EYS: variants seen among roughly 807,000 people sequenced by gnomAD.
The protein encoded by EYS is EGF-like photoreceptor maintenance factor, also known as protein eyes shut homolog.
Under a neutral mutation model 282.1 loss-of-function variants are expected in EYS, and 250 were observed. That is an observed-to-expected ratio of 0.89 (90% CI 0.80 to 0.98). The LOEUF (loss-of-function observed/expected upper bound fraction) is 0.98, where lower values mean the gene tolerates loss of function less well. EYS is among the 50% of genes least tolerant of loss of function. EYS has a pLI of 0.00. For synonymous variants in EYS, 1,355 were observed against 1,282.9 expected (o/e 1.06, Z -1.20); for missense variants, 4,016 against 3,709.0 (o/e 1.08, Z -2.15).
intron 29 of EYS, among the ~76,000 whole-genome samples, chr6:64,318,475 A>G (rs1770067613): frequency 6.6e-6 from 1 of 151,974 alleles, no homozygotes; most frequent in Non-Finnish European, 1.5e-5. Flanking sequence ...CAGATTTACA[A>G]CTCAACAATT....
Position 64,440,839 on chromosome 6 carries a change from G to A in EYS, c.5645-1487C>T, listed in dbSNP as rs1228776276. Among the ~76,000 whole-genome samples, 2 of 151,668 alleles carry A rather than the reference G, an allele frequency of 1.3e-5. 1 individual carries two copies. The highest frequency in any genetic ancestry group is 4.1e-4 in the South Asian group (2 of 4,820). On this transcript the variant is annotated intron_variant, in intron 26 of 42. Coordinates refer to ENST00000503581, the MANE Select transcript of EYS (RefSeq NM_001142800.2). Reference sequence around the variant, plus strand: ...GAAATTAAAAAAAATTACATACAGGGGGTCTTCAAAAAGTTCACATAAAAT... The same window carrying A: ...GAAATTAAAAAAAATTACATACAGGAGGTCTTCAAAAAGTTCACATAAAAT...
intron 41 of EYS, among the ~76,000 whole-genome samples, chr6:63,745,674 G>A (rs1379374380): frequency 6.6e-6 from 1 of 152,166 alleles, no homozygotes; most frequent in Admixed American, 6.5e-5. Context: ...TGATTTAGAT[G>A]GATGTTGGAT....
chr6:64,106,461 A>G (rs1027618150), intron 31 of EYS, among the ~76,000 whole-genome samples: 12 of 152,076 alleles, frequency 7.9e-5, no homozygotes, highest in African/African-American at 1.2e-4. Flanking sequence ...AACACTTTAA[A>G]TATTTCATTC....
chr6:64,660,833 A>G (rs1222573530), intron 22 of EYS, among the ~76,000 whole-genome samples: 1 of 152,212 alleles, frequency 6.6e-6, no homozygotes, highest in Non-Finnish European at 1.5e-5. Flanking sequence ...TATAGATTCA[A>G]TGCCATCCCC....
At chr6:64,206,675 G>A (rs1176783868) in intron 31 of EYS, among the ~76,000 whole-genome samples, 1 of 152,132 alleles carries the variant, frequency 6.6e-6, no homozygotes, top group Non-Finnish European at 1.5e-5. Flanking sequence ...TTGTGTTACT[G>A]ATGCATGTTT....
At chr6:64,332,282 T>A (rs1412050698) in intron 29 of EYS, among the ~76,000 whole-genome samples, 16 of 152,108 alleles carry the variant, frequency 1.1e-4, no homozygotes, top group Admixed American at 1.0e-3. Flanking sequence ...ATAATTCAGA[T>A]AAAAGGGGAT....
At chr6:64,168,718 G>T (rs1216781746) in intron 31 of EYS, among the ~76,000 whole-genome samples, 2 of 152,128 alleles carry the variant, frequency 1.3e-5, no homozygotes. Context: ...CATAAAAGTG[G>T]ATTAAGGATT....
chr6:64,262,230 C>T (rs1238873863), intron 30 of EYS, among the ~76,000 whole-genome samples: 1 of 151,936 alleles, frequency 6.6e-6, no homozygotes, highest in Non-Finnish European at 1.5e-5. Context: ...TTTCTACCAC[C>T]CTATCCCAAC....
chr6:65,197,022 C>A (rs1251157778), intron 12 of EYS, among the ~76,000 whole-genome samples: 1 of 151,972 alleles, frequency 6.6e-6, no homozygotes, highest in Admixed American at 6.6e-5. Context: ...AATTTAATTC[C>A]ATGTAAATTG....
chr6:63,942,989 T>A lies in EYS; in HGVS notation c.7055+41394A>T, dbSNP rs531180906. Among the ~76,000 whole-genome samples, 134 of 152,344 alleles carry A rather than the reference T, an allele frequency of 8.8e-4. 1 individual carries two copies. The highest frequency in any genetic ancestry group is 3.1e-3 in the African/African-American group (130 of 41,582). On this transcript the variant is annotated intron_variant, in intron 35 of 42. Coordinates refer to ENST00000503581, the MANE Select transcript of EYS (RefSeq NM_001142800.2). ...TGTTTTCTTTTCTCTAGCTTTATTG[T>A]AAGAATACAGTATATAATGTATATA...
chr6:65,619,294 T>A (rs1766367325), intron 2 of EYS, among the ~76,000 whole-genome samples: 2 of 151,544 alleles, frequency 1.3e-5, no homozygotes, highest in South Asian at 2.1e-4. Flanking sequence ...GATTCCTAGG[T>A]ATTTTATTCT....
chr6:64,124,327 T>G (rs970605313), intron 31 of EYS, among the ~76,000 whole-genome samples: 1 of 152,208 alleles, frequency 6.6e-6, no homozygotes, highest in Non-Finnish European at 1.5e-5. Context: ...TGGATACTCC[T>G]ACTCTCATCT....
At chr6:64,452,294 C>T (rs1312865467) in intron 26 of EYS, among the ~76,000 whole-genome samples, 1 of 152,078 alleles carries the variant, frequency 6.6e-6, no homozygotes, top group African/African-American at 2.4e-5. Context: ...AGGAATCCAA[C>T]TTACAAGGGA....
chr6:64,643,115 C>T (rs1768225966), intron 22 of EYS, among the ~76,000 whole-genome samples: 1 of 102,570 alleles, frequency 9.7e-6, no homozygotes, highest in Non-Finnish European at 2.0e-5. Flanking sequence ...AACTCCATCC[C>T]CCCCCCCAAA....
intron 30 of EYS, among the ~76,000 whole-genome samples, chr6:64,284,528 G>A (rs767864683): frequency 8.5e-5 from 13 of 152,116 alleles, no homozygotes; most frequent in Non-Finnish European, 1.5e-4. Flanking sequence ...TCTGGAGGAT[G>A]ACGGCCCTCT....
intron 31 of EYS, among the ~76,000 whole-genome samples, chr6:64,159,759 G>T (rs1204315281): frequency 6.6e-6 from 1 of 151,332 alleles, no homozygotes; most frequent in African/African-American, 2.4e-5. Flanking sequence ...TTATTCTGTG[G>T]CTCTTCTTTC....
At chr6:64,278,795 G>A (rs1768206309) in intron 30 of EYS, among the ~76,000 whole-genome samples, 1 of 149,856 alleles carries the variant, frequency 6.7e-6, no homozygotes, top group Non-Finnish European at 1.5e-5. Flanking sequence ...ATAGGGTCTC[G>A]CTCTGTCATT....
intron 12 of EYS, among the ~76,000 whole-genome samples, chr6:65,061,950 C>T (rs1051940954): frequency 1.3e-5 from 2 of 151,852 alleles, no homozygotes; most frequent in Non-Finnish European, 1.5e-5. Flanking sequence ...TGTGGTCTGT[C>T]CTAAATCCTG....
chr6:64,824,963 T>A (rs1038993931), intron 19 of EYS, among the ~76,000 whole-genome samples: 3 of 151,872 alleles, frequency 2.0e-5, no homozygotes, highest in Non-Finnish European at 4.4e-5. Flanking sequence ...CTATAAACCA[T>A]TCTCATTTTT....
Sources: allele counts gnomAD v4.1 joint callset (sites outside exome capture counted in the v4.1 genomes callset), GRCh38; gene constraint gnomAD v4.1.1; transcripts MANE v1.5; gene names NCBI Gene and HGNC (gene_info 2026-07-23, HGNC 2026-07-21).